MARCHF1: variants seen among roughly 807,000 people sequenced by gnomAD.
MARCHF1 encodes the protein E3 ubiquitin-protein ligase MARCHF1.
MARCHF1 carries 40 observed loss-of-function variants against 54.2 expected under a neutral mutation model. The observed-to-expected ratio is 0.74, with a 90% CI of 0.57 to 0.96. The LOEUF is 0.96. Among genes scored for constraint, MARCHF1 ranks in the 40% least tolerant of loss-of-function variants. The pLI is 0.00. For missense variants in MARCHF1, 586 were observed against 656.5 expected, an observed-to-expected ratio of 0.89 and a Z score of 1.17; for synonymous variants, 236 against 236.3, an observed-to-expected ratio of 1.00 and a Z score of 0.01.
At chr4:163,664,115 C>T (rs1206953094) in intron 5 of MARCHF1, among the ~76,000 whole-genome samples, 1 of 152,008 alleles carries the variant, frequency 6.6e-6, no homozygotes, top group African/African-American at 2.4e-5. Context: ...GCTGTAAAAG[C>T]CTGACAAAAT....
At chr4:164,363,258 T>A (rs1407355081) in intron 1 of MARCHF1, among the ~76,000 whole-genome samples, 1 of 152,150 alleles carries the variant, frequency 6.6e-6, no homozygotes, top group Admixed American at 6.6e-5. Context: ...GCCAATTTTC[T>A]TTCTCTGAAG....
chr4:164,077,965 C>T (rs1316227770), intron 2 of MARCHF1, among the ~76,000 whole-genome samples: 1 of 152,162 alleles, frequency 6.6e-6, no homozygotes, highest in Admixed American at 6.5e-5. Context: ...TTGTGGAAGG[C>T]AGTGTGGTGA....
intron 4 of MARCHF1, among the ~76,000 whole-genome samples, chr4:163,767,155 G>T (rs1293993955): frequency 6.8e-6 from 1 of 147,204 alleles, no homozygotes; most frequent in Non-Finnish European, 1.5e-5. Context: ...GTAGGTGTTA[G>T]AGATCTGCCT....
intron 1 of MARCHF1, among the ~76,000 whole-genome samples, chr4:164,283,199 T>A (rs906892503): frequency 1.3e-5 from 2 of 151,098 alleles, no homozygotes; most frequent in African/African-American, 4.9e-5. Flanking sequence ...TCGCTTAACC[T>A]CGCTTAGTGA....
chr4:163,961,389 A>C (rs1231901353), intron 3 of MARCHF1, among the ~76,000 whole-genome samples: 1 of 152,026 alleles, frequency 6.6e-6, no homozygotes, highest in Non-Finnish European at 1.5e-5. Context: ...TAATGCTGTC[A>C]TTGAAAATAA....
At chr4:164,097,033 C>T (rs1006729286) in intron 2 of MARCHF1, among the ~76,000 whole-genome samples, 1 of 152,026 alleles carries the variant, frequency 6.6e-6, no homozygotes, top group African/African-American at 2.4e-5. Context: ...TAGAGAAGTA[C>T]AGAAAAGCTG....
rs1231081141 is a variant in MARCHF1 at position 164,314,709 on chromosome 4, T to A, written c.-323+69161A>T. On this transcript the variant is annotated intron_variant, in intron 1 of 9. Transcript: ENST00000514618. ...ATTTTAAATAAATATTTGTTAGGAATTTATTAATGTGGCTCTTGCCTTTCA... is the reference window on the plus strand; with the variant it reads ...ATTTTAAATAAATATTTGTTAGGAAATTATTAATGTGGCTCTTGCCTTTCA... Among the ~76,000 whole-genome samples, 3 of 152,312 alleles carry A rather than the reference T, an allele frequency of 2.0e-5. No individual in the cohort carries two copies. In the East Asian group the frequency reaches 5.8e-4, roughly 29 times the overall value.
chr4:164,018,493 A>G (rs1753593583), intron 2 of MARCHF1, among the ~76,000 whole-genome samples: 1 of 152,022 alleles, frequency 6.6e-6, no homozygotes, highest in African/African-American at 2.4e-5. Context: ...AATAATAGGA[A>G]GACAATCTAA....
At chr4:163,871,645 T>C (rs1362271238) in intron 3 of MARCHF1, among the ~76,000 whole-genome samples, 2 of 152,144 alleles carry the variant, frequency 1.3e-5, no homozygotes. Flanking sequence ...TTAAAATATA[T>C]GTATATGACT....
chr4:164,290,653 GATAAA>G (rs1734264289), intron 1 of MARCHF1, among the ~76,000 whole-genome samples: 1 of 151,888 alleles, frequency 6.6e-6, no homozygotes, highest in South Asian at 2.1e-4. Flanking sequence ...GTGGTTTAAA[GATAAA>G]ATAAATGAAT....
intron 1 of MARCHF1, among the ~76,000 whole-genome samples, chr4:164,144,988 A>G (rs1221562487): frequency 7.4e-6 from 1 of 134,366 alleles, no homozygotes; most frequent in Non-Finnish European, 1.5e-5. Flanking sequence ...GATAAAGGGG[A>G]TATCACCACC....
intron 4 of MARCHF1, among the ~76,000 whole-genome samples, chr4:163,724,127 G>T (rs914489712): frequency 6.6e-6 from 1 of 151,960 alleles, no homozygotes; most frequent in East Asian, 1.9e-4. Flanking sequence ...CAGCTTTTCT[G>T]CTCTGTTTTT....
intron 2 of MARCHF1, among the ~76,000 whole-genome samples, chr4:164,096,733 A>AATTC (rs745772684): frequency 1.3e-5 from 2 of 152,140 alleles, no homozygotes; most frequent in Non-Finnish European, 2.9e-5. Flanking sequence ...ATACAAGATT[A>AATTC]ATTCACCTTG....
At chr4:163,846,488 G>T (rs1266689617) in intron 4 of MARCHF1, among the ~76,000 whole-genome samples, 1 of 152,106 alleles carries the variant, frequency 6.6e-6, no homozygotes, top group African/African-American at 2.4e-5. Flanking sequence ...GAATAACTCG[G>T]AAGAGAGTGA....
chr4:164,105,277 T>C (rs1243806300), intron 2 of MARCHF1, among the ~76,000 whole-genome samples: 4 of 107,356 alleles, frequency 3.7e-5, no homozygotes, highest in African/African-American at 1.0e-4. Flanking sequence ...TTAAAGTTCA[T>C]ATGGAACCAA....
intron 1 of MARCHF1, chr4:164,197,516 T>C (rs769402956): frequency 6.2e-7 from 1 of 1,613,584 alleles, no homozygotes; most frequent in Non-Finnish European, 8.5e-7. Context: ...TCAAGCTTTC[T>C]CAACTTTAAC....
At chr4:164,158,900 G>C (rs1227636297) in intron 1 of MARCHF1, among the ~76,000 whole-genome samples, 1 of 152,084 alleles carries the variant, frequency 6.6e-6, no homozygotes, top group African/African-American at 2.4e-5. Flanking sequence ...TCTACTTCGA[G>C]AATCATCCTC....
chr4:163,917,589 T>A (rs1380576063), intron 3 of MARCHF1, among the ~76,000 whole-genome samples: 7 of 152,160 alleles, frequency 4.6e-5, no homozygotes, highest in Admixed American at 4.6e-4. Flanking sequence ...TTGGGCCAAT[T>A]TTTTCCTGAT....
chr4:163,745,234 C>G (rs561170845), intron 4 of MARCHF1, among the ~76,000 whole-genome samples: 2 of 150,922 alleles, frequency 1.3e-5, no homozygotes, highest in South Asian at 4.2e-4. Flanking sequence ...GCTTCAGCCC[C>G]CCGAGTAGCT....
Sources: gnomAD v4.1 joint callset for allele counts (sites outside exome capture counted in the v4.1 genomes callset) on GRCh38, gnomAD v4.1.1 for gene constraint, MANE v1.5 for transcripts, NCBI Gene and HGNC (gene_info 2026-07-23, HGNC 2026-07-21) for gene names.